The following KCNIP2 variants were observed in gnomAD, a reference collection of about 807,000 sequenced individuals.
The protein encoded by KCNIP2 is A-type potassium channel modulatory protein KCNIP2.
A neutral mutation model predicts 39.0 loss-of-function variants in KCNIP2; 19 were observed. The ratio of observed to expected loss-of-function variants is 0.49; its 90% confidence interval spans 0.34 to 0.71. The LOEUF (loss-of-function observed/expected upper bound fraction) is 0.71. Among genes scored for constraint, KCNIP2 ranks in the 30% least tolerant of loss-of-function variants. The pLI, the probability that KCNIP2 is intolerant of heterozygous loss-of-function variation, is 0.01. For synonymous variants in KCNIP2, 111 were observed against 131.2 expected, an observed-to-expected ratio of 0.85 and a Z score of 1.05; for missense variants, 261 against 346.0, an observed-to-expected ratio of 0.75 and a Z score of 1.95.
chr10:101,829,594 C>A, intron 3 of KCNIP2: 2 of 450,658 alleles, frequency 4.4e-6, no homozygotes, highest in South Asian at 6.5e-5. Flanking sequence ...CCGCCCAGCC[C>A]CAGCCTTGCC....
Position 101,827,981 on chromosome 10 carries a change from T to C in KCNIP2, c.610A>G (p.Ile204Val). The stretch of plus-strand genomic sequence containing the variant: ...ATCATGTCATAGATGGACTTCATGA[T>C]GTCAAGCATTTCCTGTTAGGCCAAG... ...GCITKEEMLDIMKSIYDMMGK... is the reference protein window; with the variant it reads ...GCITKEEMLDVMKSIYDMMGK... The change falls in exon 8 of 10, where the codon ATC (isoleucine) becomes GTC (valine). Residue 204 changes from isoleucine to valine, a missense_variant. Ile to Val is a conservative substitution (Grantham distance 29). Transcript: ENST00000356640. 2 of 1,613,446 alleles carry C rather than the reference T, an allele frequency of 1.2e-6. No homozygotes were observed. Among genetic ancestry groups the C allele is most frequent in the Non-Finnish European group, 1.7e-6 (2 of 1,179,350 alleles).
chr10:101,836,251 G>C (rs1214991763), intron 1 of KCNIP2, among the ~76,000 whole-genome samples: 1 of 150,476 alleles, frequency 6.6e-6, no homozygotes, highest in Non-Finnish European at 1.5e-5. Flanking sequence ...GGAAGATGAC[G>C]CTTCACACAG....
At chr10:101,833,358 C>A (rs2066053544) in intron 1 of KCNIP2, among the ~76,000 whole-genome samples, 1 of 152,094 alleles carries the variant, frequency 6.6e-6, no homozygotes, top group Non-Finnish European at 1.5e-5. Context: ...AATGTCTAGG[C>A]CCTGGAGATC....
At chr10:101,835,099 T>C (rs996050126) in intron 1 of KCNIP2, among the ~76,000 whole-genome samples, 1 of 152,006 alleles carries the variant, frequency 6.6e-6, no homozygotes, top group Non-Finnish European at 1.5e-5. Context: ...TTTAGTAGGG[T>C]TGTAGGATGT....
chr10:101,832,123 G>C (rs1441127079), intron 1 of KCNIP2, among the ~76,000 whole-genome samples: 1 of 152,198 alleles, frequency 6.6e-6, no homozygotes, highest in Non-Finnish European at 1.5e-5. Flanking sequence ...CTTGCTCTTT[G>C]AGGGTGAAAT....
chr10:101,840,587 T>TGGACTCC (rs2066303308), intron 1 of KCNIP2, among the ~76,000 whole-genome samples: 1 of 116,376 alleles, frequency 8.6e-6, no homozygotes, highest in Admixed American at 1.1e-4. Flanking sequence ...GCCCCTTTCC[T>TGGACTCC]GGACTCCGGA....
intron 2 of KCNIP2, among the ~76,000 whole-genome samples, chr10:101,830,681 CCACACACACACACA>C (rs61337190): frequency 2.9e-4 from 42 of 145,194 alleles, no homozygotes; most frequent in African/African-American, 1.0e-3. Flanking sequence ...CTGGTCACGC[CCACACACACACACA>C]CACACACACA....
intron 2 of KCNIP2, chr10:101,830,457 C>T (rs2065932411): frequency 7.8e-7 from 1 of 1,285,802 alleles, no homozygotes; most frequent in Non-Finnish European, 1.0e-6. Flanking sequence ...TCACGGCCGC[C>T]TGGTCTACAC....
At chr10:101,833,493 C>G (rs191956899) in intron 1 of KCNIP2, among the ~76,000 whole-genome samples, 92 of 152,126 alleles carry the variant, frequency 6.0e-4, no homozygotes, top group African/African-American at 2.0e-3. Flanking sequence ...TCACAATGTT[C>G]ACACTCTTCC....
rs925358751 is a variant in KCNIP2, at chr10:101,829,168, G to A, written c.255C>T (p.Thr85=). 2.8e-5 allele frequency: 45 copies of A among 1,613,888 alleles called. No individual in the cohort carries two copies. Among genetic ancestry groups the A allele is most frequent in the Admixed American group, 3.3e-5 (2 of 59,988 alleles). The change falls in exon 4 of 10, where the codon ACC becomes ACT. Residue 85 remains threonine, a synonymous_variant. Transcript: ENST00000356640. ...DSVDDEFELS[T]VCHRPEGLEQ... ...CCAGACCCTCAGGCCGGTGACACACGGTGGACAATTCAAATTCATCGTCCA... is the reference window on the plus strand; with the variant it reads ...CCAGACCCTCAGGCCGGTGACACACAGTGGACAATTCAAATTCATCGTCCA...
chr10:101,841,603 T>C (rs1350224400), intron 1 of KCNIP2, among the ~76,000 whole-genome samples: 1 of 152,210 alleles, frequency 6.6e-6, no homozygotes, highest in Non-Finnish European at 1.5e-5. Context: ...TCCATTTTCC[T>C]TGGGAGGTAG....
intron 1 of KCNIP2, among the ~76,000 whole-genome samples, chr10:101,836,709 T>TC (rs2066173312): frequency 1.3e-5 from 2 of 151,736 alleles, no homozygotes; most frequent in South Asian, 4.2e-4. Context: ...ATGCCTGTAA[T>TC]CCCAGCACTC....
chr10:101,834,527 C>T (rs2066089200), intron 1 of KCNIP2, among the ~76,000 whole-genome samples: 3 of 152,214 alleles, frequency 2.0e-5, no homozygotes, highest in Admixed American at 2.0e-4. Context: ...CCCCATCACC[C>T]CGCCTCTGCC....
chr10:101,830,951 A>C, intron 2 of KCNIP2, 121 bp downstream of exon 2: 4 of 910,844 alleles, frequency 4.4e-6, no homozygotes, highest in African/African-American at 1.7e-5. Flanking sequence ...ACGCCCCCCC[A>C]CACATGCAGG....
intron 1 of KCNIP2, among the ~76,000 whole-genome samples, chr10:101,836,429 T>C (rs2135187341): frequency 6.6e-6 from 1 of 151,600 alleles, no homozygotes; most frequent in East Asian, 1.9e-4. Context: ...TTAAATAGGG[T>C]TTTGTCATGC....
Position 101,834,325 on chromosome 10 carries a change from G to A in KCNIP2, c.74-3158C>T, listed in dbSNP as rs546218840. On this transcript the variant is annotated intron_variant, in intron 1 of 9. Coordinates refer to ENST00000356640, the MANE Select transcript of KCNIP2 (RefSeq NM_173191.3). The stretch of plus-strand genomic sequence containing the variant: ...GCTCCAGGACCTTGACAAACAGAGC[G>A]AGGACCACGAGCACAGCAACCATCT... 20 of 399,320 alleles carry A rather than the reference G, an allele frequency of 5.0e-5. No homozygotes were observed. The South Asian group carries it at 6.4e-4, about 13-fold the overall frequency. The allele number at this position is 399,320 out of a possible 1,614,324, so 24.7% of individuals were successfully genotyped here. A position where few individuals can be genotyped will look rare whatever the true frequency, so the allele number is the denominator to read the frequency against.
chr10:101,835,282 G>C (rs1442928528), intron 1 of KCNIP2, among the ~76,000 whole-genome samples: 1 of 152,170 alleles, frequency 6.6e-6, no homozygotes, highest in Non-Finnish European at 1.5e-5. Flanking sequence ...ACTGTGAGGA[G>C]GGAAGCACTC....
rs765786245 is a variant in KCNIP2 at position 101,828,226 on chromosome 10, C to G, written c.522G>C (p.Arg174=). The G allele has an allele frequency of 3.1e-6, 5 of 1,614,096 alleles. No individual in the cohort carries two copies. The East Asian group carries it at 1.1e-4, about 36-fold the overall frequency. The stretch of plus-strand genomic sequence containing the variant: ...AATTAAGCCTGTCATCTACAGTTCC[C>G]CGAAGAATCACGGACAAACCAGCCA... ...DFVAGLSVIL[R]GTVDDRLNWA... is the part of the protein sequence containing the mutation. The change falls in exon 7 of 10, where the codon CGG becomes CGC. Residue 174 remains arginine (R), a synonymous_variant. Coordinates refer to ENST00000356640, the MANE Select transcript of KCNIP2 (RefSeq NM_173191.3). The surrounding 1 kb of genome is among the most constrained non-coding windows in gnomAD (Gnocchi z 6.6).
intron 2 of KCNIP2, among the ~76,000 whole-genome samples, chr10:101,830,834 C>G (rs909738302): frequency 8.6e-5 from 13 of 150,964 alleles, no homozygotes; most frequent in African/African-American, 3.2e-4. Flanking sequence ...AGGGCACGCC[C>G]CCCCACACAC....
Sources: allele counts gnomAD v4.1 joint callset (sites outside exome capture counted in the v4.1 genomes callset), GRCh38; gene constraint gnomAD v4.1.1; non-coding constraint Gnocchi (gnomAD v3.1); transcripts MANE v1.5; gene names NCBI Gene and HGNC (gene_info 2026-07-23, HGNC 2026-07-21).